The following SNAPC3 variants were observed in gnomAD, a reference collection of about 807,000 sequenced individuals.
SNAPC3 encodes small nuclear RNA activating complex polypeptide 3, also known as snRNA-activating protein complex subunit 3.
Under a neutral mutation model 47.7 loss-of-function variants are expected in SNAPC3, and 56 were observed. The observed-to-expected ratio is 1.18, with a 90% CI of 0.95 to 1.47. SNAPC3 has a LOEUF of 1.47. Ranked by LOEUF, SNAPC3 falls within the 40% of genes most tolerant of loss-of-function variation. The pLI, the probability that SNAPC3 is intolerant of heterozygous loss-of-function variation, is 0.00. For missense variants in SNAPC3, 665 were observed against 511.3 expected (o/e 1.30, Z -2.90); for synonymous variants, 235 against 189.9 (o/e 1.24, Z -1.95).
intron 3 of SNAPC3, among the ~76,000 whole-genome samples, chr9:15,437,409 T>C (rs1321277458): frequency 6.6e-6 from 1 of 152,044 alleles, no homozygotes; most frequent in Non-Finnish European, 1.5e-5. Context: ...CTTTTTGTAT[T>C]TTTAGTAGAC....
At chr9:15,445,037 C>T (rs2033813878) in intron 4 of SNAPC3, among the ~76,000 whole-genome samples, 1 of 152,106 alleles carries the variant, frequency 6.6e-6, no homozygotes, top group Admixed American at 6.5e-5. Flanking sequence ...AGGTTGTAAG[C>T]GAGCTATGAT....
At chr9:15,449,302 C>A (rs143818142) in intron 5 of SNAPC3, among the ~76,000 whole-genome samples, 2 of 152,128 alleles carry the variant, frequency 1.3e-5, no homozygotes, top group East Asian at 3.9e-4. Context: ...GTCTTACCTT[C>A]AGGAAACCCT....
At chr9:15,457,883 G>A in intron 7 of SNAPC3, 77 bp from the exon 8 acceptor site, 2 of 804,264 alleles carry the variant, frequency 2.5e-6, no homozygotes, top group Non-Finnish European at 4.1e-6. Flanking sequence ...CTCAGGCACA[G>A]ATATATTTAA....
rs575328490 is a variant in SNAPC3, at chr9:15,434,409, CT to C, written c.477+789del. Among the ~76,000 whole-genome samples the C allele has an allele frequency of 5.0e-3, 680 of 135,282 alleles. 1 individual carries two copies. Among genetic ancestry groups the C allele is most frequent in the Middle Eastern group, 0.011 (3 of 266 alleles). 88.8% of individuals were successfully genotyped at this position (135,282 alleles called of 152,430 possible). A position where few individuals can be genotyped will look rare whatever the true frequency, so the allele number is the denominator to read the frequency against. On this transcript the variant is annotated intron_variant, in intron 3 of 8. Coordinates refer to ENST00000380821, the MANE Select transcript of SNAPC3 (RefSeq NM_001039697.2). ...TGCTTTTTTGTCCTTTTCTGTATGG[CT>C]TTTTTTTTTTTTTTTGAAACAGAGT...
Position 15,440,731 on chromosome 9 carries a change from C to G in SNAPC3, c.478-3871C>G, listed in dbSNP as rs1009309691. ...TTGGGAGGCCGAGGCGGGCGGATCACGAGGTCAAGAGATTGAGACCATCCT... is the reference window on the plus strand; with the variant it reads ...TTGGGAGGCCGAGGCGGGCGGATCAGGAGGTCAAGAGATTGAGACCATCCT... On this transcript the variant is annotated intron_variant, in intron 3 of 8. Coordinates refer to ENST00000380821, the MANE Select transcript of SNAPC3 (RefSeq NM_001039697.2). Among the ~76,000 whole-genome samples the G allele has an allele frequency of 2.0e-5, 3 of 152,132 alleles. No individual in the cohort carries two copies. The South Asian group carries it at 6.2e-4, about 32-fold the overall frequency.
downstream of SNAPC3, chr9:15,463,088 T>C (rs1321992935): frequency 3.3e-5 from 5 of 152,158 alleles, 1 homozygote; most frequent in East Asian, 9.6e-4. Flanking sequence ...ATAAAGTGTA[T>C]GGTTCTCTCC....
chr9:15,465,286 A>C, downstream of SNAPC3: 1 of 442,620 alleles, frequency 2.3e-6, no homozygotes, highest in South Asian at 4.7e-5. Context: ...AAGCAGTTTA[A>C]CATTTTCTAA....
intron 2 of SNAPC3, among the ~76,000 whole-genome samples, chr9:15,431,382 A>G (rs2032125018): frequency 6.6e-6 from 1 of 151,994 alleles, no homozygotes; most frequent in African/African-American, 2.4e-5. Context: ...ATTATTCTAT[A>G]CTTCAGTGTT....
At chr9:15,443,166 A>C (rs1200588542) in intron 3 of SNAPC3, among the ~76,000 whole-genome samples, 2 of 152,174 alleles carry the variant, frequency 1.3e-5, no homozygotes, top group Non-Finnish European at 2.9e-5. Context: ...CTGTGGAGAG[A>C]GAGGGAGAGG....
chr9:15,440,904 G>C (rs970090598), intron 3 of SNAPC3, among the ~76,000 whole-genome samples: 4 of 147,766 alleles, frequency 2.7e-5, no homozygotes, highest in African/African-American at 1.0e-4. Flanking sequence ...AGCCGAGATA[G>C]CGCCACTGCA....
chr9:15,433,673 T>A, intron 3 of SNAPC3, 37 bp downstream of exon 3: 1 of 1,291,308 alleles, frequency 7.7e-7, no homozygotes, highest in Non-Finnish European at 1.1e-6. Context: ...CCTTTTCTCT[T>A]AAAACAGTAA....
intron 4 of SNAPC3, among the ~76,000 whole-genome samples, chr9:15,446,635 G>A (rs538436497): frequency 6.6e-6 from 1 of 152,268 alleles, no homozygotes; most frequent in African/African-American, 2.4e-5. Flanking sequence ...ACAGGAAGAA[G>A]CATCATTCTC....
intron 3 of SNAPC3, among the ~76,000 whole-genome samples, chr9:15,442,918 C>G (rs35428831): frequency 1.3e-5 from 2 of 152,198 alleles, no homozygotes; most frequent in African/African-American, 4.8e-5. Context: ...TCTGCAATCC[C>G]GGCACCTCGG....
At chr9:15,459,483 C>T (rs992429589) in intron 8 of SNAPC3, among the ~76,000 whole-genome samples, 2 of 152,154 alleles carry the variant, frequency 1.3e-5, no homozygotes, top group Non-Finnish European at 2.9e-5. Context: ...GTAAGTATTA[C>T]AGAGAAACAG....
At chr9:15,457,625 A>C (rs1236548262) in intron 7 of SNAPC3, among the ~76,000 whole-genome samples, 1 of 152,118 alleles carries the variant, frequency 6.6e-6, no homozygotes, top group Non-Finnish European at 1.5e-5. Context: ...TACTAGTGTT[A>C]AGCAAAGCAA....
intron 2 of SNAPC3, chr9:15,431,913 C>T (rs1587194438): frequency 1.8e-5 from 2 of 112,166 alleles, no homozygotes; most frequent in East Asian, 5.6e-4. Context: ...TTTTTGAGCA[C>T]TTCATGAATT....
At position 15,435,723 on chromosome 9, in the gene SNAPC3, C is replaced by G. The variant is rs1263991112; in HGVS notation, c.477+2087C>G. Among the ~76,000 whole-genome samples, 9 of 141,054 alleles carry G rather than the reference C, an allele frequency of 6.4e-5. No individual in the cohort carries two copies. The East Asian group carries it at 1.8e-3, about 29-fold the overall frequency. 92.5% of individuals were successfully genotyped at this position (141,054 alleles called of 152,430 possible). A position where few individuals can be genotyped will look rare whatever the true frequency, so the allele number is the denominator to read the frequency against. ...CAGCCTGGGCAACAGGAGTGAAACT[C>G]TGTCTAAAAAAAAAAAAAAAAGAGT... On this transcript the variant is annotated intron_variant, in intron 3 of 8. Coordinates refer to ENST00000380821, the MANE Select transcript of SNAPC3 (RefSeq NM_001039697.2).
intron 5 of SNAPC3, among the ~76,000 whole-genome samples, chr9:15,449,845 C>T (rs2034262034): frequency 1.3e-5 from 2 of 151,708 alleles, no homozygotes; most frequent in Admixed American, 6.6e-5. Context: ...TGCTGAGCCA[C>T]CAGGCCAGTC....
At chr9:15,427,435 G>A (rs749871706) in intron 2 of SNAPC3, among the ~76,000 whole-genome samples, 17 of 152,178 alleles carry the variant, frequency 1.1e-4, no homozygotes, top group Non-Finnish European at 2.1e-4. Flanking sequence ...TGCAACTTCT[G>A]CCTCCTGGGC....
Sources: gnomAD v4.1 joint callset for allele counts (sites outside exome capture counted in the v4.1 genomes callset) on GRCh38, gnomAD v4.1.1 for gene constraint, MANE v1.5 for transcripts, NCBI Gene and HGNC (gene_info 2026-07-23, HGNC 2026-07-21) for gene names.